CELF5: variants seen among roughly 807,000 people sequenced by gnomAD.
CELF5 encodes CUG-BP and ETR-3 like factor 5.
Under a neutral mutation model 54.9 loss-of-function variants are expected in CELF5, and 6 were observed. The ratio of observed to expected loss-of-function variants is 0.11; its 90% confidence interval spans 0.06 to 0.22. The LOEUF (loss-of-function observed/expected upper bound fraction) is 0.22. Ranked by LOEUF, CELF5 falls within the 10% of genes least tolerant of loss-of-function variation. The probability of loss-of-function intolerance (pLI) is 1.00; values close to 1 mark genes in which losing one functional copy is unlikely to be tolerated. For missense variants in CELF5, 401 were observed against 678.6 expected (o/e 0.59, Z 4.54); for synonymous variants, 271 against 290.9 (o/e 0.93, Z 0.70).
At chr19:3,264,015 CGGTCCTCT>C (rs1356596299) in intron 2 of CELF5, among the ~76,000 whole-genome samples, 1 of 152,146 alleles carries the variant, frequency 6.6e-6, no homozygotes, top group Non-Finnish European at 1.5e-5. Flanking sequence ...ACTACCCAGC[CGGTCCTCT>C]GGAATCCACC....
chr19:3,250,304 C>T (rs1375462297), intron 1 of CELF5, among the ~76,000 whole-genome samples: 6 of 151,976 alleles, frequency 3.9e-5, no homozygotes, highest in African/African-American at 7.3e-5. Flanking sequence ...CTGGCTAACA[C>T]GGTGAAACCC....
At chr19:3,263,604 A>T (rs1401632802) in intron 2 of CELF5, among the ~76,000 whole-genome samples, 1 of 151,360 alleles carries the variant, frequency 6.6e-6, no homozygotes, top group Non-Finnish European at 1.5e-5. Context: ...TTCTTAAACT[A>T]TTTAAAAGTA....
intron 8 of CELF5, chr19:3,284,613 G>A (rs1286980328): frequency 2.1e-6 from 1 of 467,744 alleles, no homozygotes; most frequent in African/African-American, 2.0e-5. Flanking sequence ...GGTCCCCCTT[G>A]GGAGGCAACC....
chr19:3,235,826 A>G (rs312055), intron 1 of CELF5, among the ~76,000 whole-genome samples: 42,708 of 138,378 alleles, frequency 0.31, 7,184 homozygotes, highest in East Asian at 0.69. Context: ...GTGTGGATGG[A>G]TGGATGGATG....
At chr19:3,271,504 G>C (rs2079963770) in intron 2 of CELF5, among the ~76,000 whole-genome samples, 1 of 152,212 alleles carries the variant, frequency 6.6e-6, no homozygotes, top group Non-Finnish European at 1.5e-5. Context: ...TGGGCTGGGA[G>C]GATTGGGGGC....
At chr19:3,287,034 CAAAAAAA>C (rs55661552) in intron 10 of CELF5, among the ~76,000 whole-genome samples, 1 of 103,554 alleles carries the variant, frequency 9.7e-6, no homozygotes, top group Non-Finnish European at 1.9e-5. Flanking sequence ...GACTCCGTCT[CAAAAAAA>C]AAAAAAAAAA....
chr19:3,246,067 A>G (rs2145041826), intron 1 of CELF5, among the ~76,000 whole-genome samples: 1 of 152,362 alleles, frequency 6.6e-6, no homozygotes, highest in African/African-American at 2.4e-5. Context: ...TTTTTGCATT[A>G]AAATATACGG....
chr19:3,226,714 GGA>G (rs1045873982), intron 1 of CELF5, among the ~76,000 whole-genome samples: 1 of 151,942 alleles, frequency 6.6e-6, no homozygotes, highest in African/African-American at 2.4e-5. Flanking sequence ...GCTCTAGGTC[GGA>G]GAGACAGGTG....
Position 3,250,969 on chromosome 19 carries a change from T to C in CELF5, c.260-16T>C, listed in dbSNP as rs1283706834. 1.9e-6 allele frequency: 3 copies of C among 1,608,466 alleles called. No individual in the cohort carries two copies. Among genetic ancestry groups the C allele is most frequent in the Non-Finnish European group, 2.6e-6 (3 of 1,175,202 alleles). On this transcript the variant is annotated splice_polypyrimidine_tract_variant and intron_variant, in intron 1 of 12. Transcript: ENST00000292672. Reference sequence around the variant, plus strand: ...TGCCCGTGCTCTCTTAACACCCCCGTTTCTCTCCCTTCCAGGCTGTGCCTT... The same window carrying C: ...TGCCCGTGCTCTCTTAACACCCCCGCTTCTCTCCCTTCCAGGCTGTGCCTT...
chr19:3,226,476 A>ACACACACACACAC (rs1555715644), intron 1 of CELF5, among the ~76,000 whole-genome samples: 70 of 151,040 alleles, frequency 4.6e-4, no homozygotes, highest in South Asian at 2.1e-3. Context: ...ACACACACAC[A>ACACACACACACAC]AAATTGGGCC....
intron 10 of CELF5, among the ~76,000 whole-genome samples, chr19:3,288,203 T>C (rs7246506): frequency 0.55 from 83,185 of 152,054 alleles, 24,043 homozygotes; most frequent in Middle Eastern, 0.7. Flanking sequence ...ATTGTTCAGT[T>C]ACATTGGAAC....
At chr19:3,286,235 C>T (rs979169183) in intron 10 of CELF5, 10 of 503,540 alleles carry the variant, frequency 2.0e-5, no homozygotes, top group African/African-American at 1.8e-4. Flanking sequence ...GAACCATGCT[C>T]GCCCCGACCC....
rs1415120402 is a variant in CELF5 at position 3,250,166 on chromosome 19, C to T, written c.260-819C>T. Among the ~76,000 whole-genome samples, 4 of 152,200 alleles carry T rather than the reference C, an allele frequency of 2.6e-5. No homozygotes were observed. The East Asian group carries it at 5.8e-4, about 22-fold the overall frequency. On this transcript the variant is annotated intron_variant, in intron 1 of 12. Transcript: ENST00000292672. The stretch of plus-strand genomic sequence containing the variant: ...TGAGATTGTAATAAGATATACACAA[C>T]TTCAAATGTACCGTCTTAACCATTT...
chr19:3,247,468 C>T (rs1034216422), intron 1 of CELF5, among the ~76,000 whole-genome samples: 1 of 151,560 alleles, frequency 6.6e-6, no homozygotes, highest in African/African-American at 2.4e-5. Context: ...CGCCATGTTG[C>T]CCAGGCTGGT....
At chr19:3,266,925 A>G (rs2079890280) in intron 2 of CELF5, among the ~76,000 whole-genome samples, 1 of 152,046 alleles carries the variant, frequency 6.6e-6, no homozygotes, top group African/African-American at 2.4e-5. Flanking sequence ...TGTGCTGGAA[A>G]AGCCCACCCA....
intron 4 of CELF5, 94 bp from the exon 5 acceptor site, chr19:3,277,937 C>T (rs2080082922): frequency 1.1e-6 from 1 of 880,606 alleles, no homozygotes. Context: ...CTGACACTGG[C>T]CATGTAGGTC....
intron 1 of CELF5, among the ~76,000 whole-genome samples, chr19:3,235,681 T>TGGATGGATGGATGG (rs1917543677): frequency 1.2e-4 from 3 of 24,046 alleles, no homozygotes; most frequent in African/African-American, 3.5e-4. Flanking sequence ...TGGATGGATG[T>TGGATGGATGGATGG]GTGGATGGGT....
At chr19:3,229,075 C>T (rs925652288) in intron 1 of CELF5, among the ~76,000 whole-genome samples, 2 of 151,424 alleles carry the variant, frequency 1.3e-5, no homozygotes, top group Non-Finnish European at 2.9e-5. Context: ...ACTGTGACAT[C>T]GTTTCTGCAC....
intron 2 of CELF5, among the ~76,000 whole-genome samples, chr19:3,252,833 A>T (rs1265574261): frequency 6.6e-6 from 1 of 152,038 alleles, no homozygotes; most frequent in Non-Finnish European, 1.5e-5. Context: ...TAAGCCAGTG[A>T]CTTAACCTCT....
Sources: gnomAD v4.1 joint callset for allele counts (sites outside exome capture counted in the v4.1 genomes callset) on GRCh38, gnomAD v4.1.1 for gene constraint, MANE v1.5 for transcripts, NCBI Gene and HGNC (gene_info 2026-07-23, HGNC 2026-07-21) for gene names.